Variants in ABI1 observed in about 807,000 individuals in gnomAD.
ABI1 encodes the protein abl interactor 1.
A neutral mutation model predicts 54.6 loss-of-function variants in ABI1; 14 were observed. The observed-to-expected ratio is 0.26, with a 90% CI of 0.17 to 0.40. ABI1 has a LOEUF of 0.40. Among genes scored for constraint, ABI1 ranks in the 10% least tolerant of loss-of-function variants. The pLI, the probability that ABI1 is intolerant of heterozygous loss-of-function variation, is 1.00. For missense variants in ABI1, 443 were observed against 598.3 expected (o/e 0.74, Z 2.71); for synonymous variants, 194 against 209.3 (o/e 0.93, Z 0.63).
At chr10:26,842,752 T>C (rs2049621216) in intron 1 of ABI1, among the ~76,000 whole-genome samples, 1 of 152,162 alleles carries the variant, frequency 6.6e-6, no homozygotes, top group Non-Finnish European at 1.5e-5. Flanking sequence ...CATAATAAAT[T>C]AGAGCCACAA....
intron 1 of ABI1, among the ~76,000 whole-genome samples, chr10:26,843,437 T>C (rs1255982345): frequency 1.0e-5 from 1 of 96,026 alleles, no homozygotes; most frequent in African/African-American, 3.7e-5. Flanking sequence ...CTTTATGACA[T>C]AGCAAGACTC....
intron 5 of ABI1, 148 bp downstream of exon 5, chr10:26,770,097 A>C (rs972839807): frequency 2.1e-5 from 13 of 627,140 alleles, no homozygotes; most frequent in Non-Finnish European, 3.6e-5. Flanking sequence ...GATTCTGTTC[A>C]GGAAAATAGG....
rs570868988 is a variant in ABI1, at chr10:26,748,577, G to T, written c.1439C>A (p.Thr480Asn). 3.7e-6 allele frequency: 6 copies of T among 1,609,988 alleles called. No homozygotes were observed. The highest frequency in any genetic ancestry group is 4.2e-6 in the Non-Finnish European group (5 of 1,178,620). The change falls in exon 11 of 11, where the codon ACT becomes AAT. Residue 480 changes from threonine (T) to asparagine (N), a missense_variant. Thr to Asn is a moderately conservative substitution (Grantham distance 65). Coordinates refer to ENST00000376140, the MANE Select transcript of ABI1 (RefSeq NM_001012750.3). ...GNYVESIMHYTD is the reference protein window; with the variant it reads ...GNYVESIMHYND ...TCAAAAGAAAAAAAAAAATTAATCA[G>T]TATAGTGCATGATTGATTCAACATA... is the stretch of plus-strand genomic sequence containing the variant.
Position 26,839,347 on chromosome 10 carries a change from T to G in ABI1, c.118-16042A>C, listed in dbSNP as rs1253204622. Among the ~76,000 whole-genome samples the G allele has an allele frequency of 7.9e-5, 12 of 151,964 alleles. No homozygotes were observed. The East Asian group carries it at 2.3e-3, about 30-fold the overall frequency. On this transcript the variant is annotated intron_variant, in intron 1 of 10. Coordinates refer to ENST00000376140, the MANE Select transcript of ABI1 (RefSeq NM_001012750.3). ...CCTCATCTCTACAAAAATATAAAAA[T>G]TAGCCAGGCATGGTGGCATGAGCCT...
chr10:26,763,328 A>G (rs1839476084), intron 7 of ABI1, among the ~76,000 whole-genome samples: 2 of 152,176 alleles, frequency 1.3e-5, no homozygotes, highest in African/African-American at 4.8e-5. Flanking sequence ...AAAATTCCTT[A>G]TATGCTCAGT....
At chr10:26,859,185 T>C (rs1021774393) in intron 1 of ABI1, among the ~76,000 whole-genome samples, 1 of 152,042 alleles carries the variant, frequency 6.6e-6, no homozygotes, top group African/African-American at 2.4e-5. Flanking sequence ...AGTGATACAG[T>C]AGATGTGGCA....
intron 7 of ABI1, among the ~76,000 whole-genome samples, chr10:26,760,504 T>G (rs1178533736): frequency 6.6e-6 from 1 of 152,226 alleles, no homozygotes; most frequent in East Asian, 1.9e-4. Context: ...GCTCATTTTC[T>G]AAATAGAAAC....
intron 1 of ABI1, among the ~76,000 whole-genome samples, chr10:26,834,924 G>A (rs143715215): frequency 0.083 from 12,647 of 151,928 alleles, 557 homozygotes; most frequent in East Asian, 0.14. Context: ...CCAACATGGT[G>A]AAATCCCATC....
chr10:26,751,073 G>A (rs550239549), intron 10 of ABI1, among the ~76,000 whole-genome samples: 5 of 133,426 alleles, frequency 3.7e-5, no homozygotes, highest in Admixed American at 2.3e-4. Context: ...TAAATTGAAA[G>A]TACATTTTCA....
Position 26,765,313 on chromosome 10 carries a change from C to G in ABI1, c.725G>C (p.Ser242Thr). 1 of 1,578,020 alleles carries G rather than the reference C, an allele frequency of 6.3e-7. No individual in the cohort carries two copies. ...TTCTCGACTTCCACTTCCTCCACTA[C>G]TTCCACTGAAAAGAAAAAAAAAAAC... ...LNQRPRTHSG[S>T]SGGSGSRENS... is the part of the protein sequence containing the mutation. The change falls in exon 7 of 11, where the codon AGT (serine) becomes ACT (threonine). Residue 242 changes from serine to threonine, a missense_variant. By Grantham distance (58) the Ser-to-Thr change is moderately conservative. Around this residue, in one of 2 missense-constraint regions of ABI1, gnomAD observed 394 missense variants for 484.8 expected, o/e 0.81. Coordinates refer to ENST00000376140, the MANE Select transcript of ABI1 (RefSeq NM_001012750.3).
At chr10:26,770,379 A>G (rs1390982017) in intron 4 of ABI1, 34 bp from the exon 5 acceptor site, 14 of 1,572,060 alleles carry the variant, frequency 8.9e-6, no homozygotes, top group Non-Finnish European at 1.2e-5. Context: ...TTATTTTTAT[A>G]TCAAATTGTT....
Position 26,860,211 on chromosome 10 carries a change from TG to T in ABI1, c.117+535del, listed in dbSNP as rs888786639. 3.3e-5 allele frequency among the ~76,000 whole-genome samples: 5 copies of T among 152,036 alleles called. No individual in the cohort carries two copies. Among genetic ancestry groups the T allele is most frequent in the African/African-American group, 9.7e-5 (4 of 41,390 alleles). ...AGACACACCCTCTGGGGGCTGAAACTGACATAATCGCCCCCACCCCACCCTC... is the reference window on the plus strand; with the variant it reads ...AGACACACCCTCTGGGGGCTGAAACTACATAATCGCCCCCACCCCACCCTC... On this transcript the variant is annotated intron_variant, in intron 1 of 10. Transcript: ENST00000376140. The surrounding 1 kb of genome is among the most constrained non-coding windows in gnomAD (Gnocchi z 4.1).
intron 2 of ABI1, among the ~76,000 whole-genome samples, chr10:26,788,142 T>C (rs1842935276): frequency 6.6e-6 from 1 of 152,160 alleles, no homozygotes; most frequent in African/African-American, 2.4e-5. Context: ...TCTCACGAGA[T>C]CTGATGGTTT....
chr10:26,769,204 A>G (rs1840350273), intron 5 of ABI1, among the ~76,000 whole-genome samples: 1 of 152,182 alleles, frequency 6.6e-6, no homozygotes, highest in Non-Finnish European at 1.5e-5. Flanking sequence ...TTTCCTAGGA[A>G]AAACATAGGA....
At chr10:26,827,773 A>G (rs772937391) in intron 1 of ABI1, among the ~76,000 whole-genome samples, 1 of 151,852 alleles carries the variant, frequency 6.6e-6, no homozygotes, top group Non-Finnish European at 1.5e-5. Context: ...TTGTATTTTT[A>G]GTAGAGACAG....
intron 1 of ABI1, among the ~76,000 whole-genome samples, chr10:26,830,874 T>C (rs575889539): frequency 2.0e-5 from 3 of 152,170 alleles, no homozygotes; most frequent in Non-Finnish European, 2.9e-5. Flanking sequence ...ATTTCTTCAT[T>C]GATAAAATGT....
chr10:26,763,071 A>AT (rs1246369678), intron 7 of ABI1, among the ~76,000 whole-genome samples: 1 of 151,922 alleles, frequency 6.6e-6, no homozygotes, highest in Non-Finnish European at 1.5e-5. Flanking sequence ...GGTTGAGGCT[A>AT]TTTTTTTCTC....
intron 2 of ABI1, among the ~76,000 whole-genome samples, chr10:26,797,422 T>C (rs1255454970): frequency 6.6e-6 from 1 of 152,218 alleles, no homozygotes; most frequent in African/African-American, 2.4e-5. Context: ...TTGCACTGAA[T>C]TCCGCTTGTC....
rs1237914698 is a variant in ABI1 at position 26,765,296 on chromosome 10, T to G, written c.742A>C (p.Ser248Arg). 1 of 1,590,242 alleles carries G rather than the reference T, an allele frequency of 6.3e-7. No individual in the cohort carries two copies. The highest frequency in any genetic ancestry group is 2.2e-5 in the East Asian group (1 of 44,630). Residue 248 changes from serine (S) to arginine (R), a missense_variant, in exon 7 of 11, where the codon AGT (serine) becomes CGT (arginine). Coordinates refer to ENST00000376140, the MANE Select transcript of ABI1 (RefSeq NM_001012750.3). The part of the protein sequence containing the change: ...THSGSSGGSG[S>R]RENSGSSSIG... ...CTACTGCTACCACTGTTTTCTCGACTTCCACTTCCTCCACTACTTCCACTG... is the reference window on the plus strand; with the variant it reads ...CTACTGCTACCACTGTTTTCTCGACGTCCACTTCCTCCACTACTTCCACTG...
Sources: allele counts gnomAD v4.1 joint callset (sites outside exome capture counted in the v4.1 genomes callset), GRCh38; gene constraint gnomAD v4.1.1; regional missense constraint gnomAD v4.1.1; non-coding constraint Gnocchi (gnomAD v3.1); transcripts MANE v1.5; gene names NCBI Gene and HGNC (gene_info 2026-07-23, HGNC 2026-07-21).